Variants in AFF1 observed in about 807,000 individuals in gnomAD.
The protein encoded by AFF1 is AF4/FMR2 family member 1.
AFF1 carries 48 observed loss-of-function variants against 121.7 expected under a neutral mutation model. The observed-to-expected ratio is 0.39, with a 90% CI of 0.31 to 0.50. The LOEUF is 0.50. AFF1 is among the 20% of genes least tolerant of loss of function. The pLI, the probability that AFF1 is intolerant of heterozygous loss-of-function variation, is 0.76. For missense variants in AFF1, 1,523 were observed against 1,511.7 expected (o/e 1.01, Z -0.12); for synonymous variants, 613 against 563.0 (o/e 1.09, Z -1.26).
At position 87,134,521 on chromosome 4, in the gene AFF1, C is replaced by T. The variant is rs995007180; in HGVS notation, c.3362C>T (p.Ser1121Phe). ...TCCCCAATGCCTTCTCCTGCCAGCT[C>T]CGTAGGGTCCCAGTCAAGTGCTGGC... The part of the protein sequence containing the change: ...PLSPMPSPAS[S>F]VGSQSSAGSV... Residue 1121 changes from serine (S) to phenylalanine (F), a missense_variant, in exon 20 of 21, where the codon TCC becomes TTC. By Grantham distance (155) the Ser-to-Phe change is radical. Around this residue, in one of 5 missense-constraint regions of AFF1, gnomAD observed 241 missense variants for 265.2 expected, o/e 0.91. Transcript: ENST00000395146. The T allele has an allele frequency of 1.2e-6, 2 of 1,613,306 alleles. No homozygotes were observed. The highest frequency in any genetic ancestry group is 1.7e-5 in the Admixed American group (1 of 59,964).
chr4:87,022,206 C>CAA (rs11296179), intron 2 of AFF1, among the ~76,000 whole-genome samples: 228 of 75,860 alleles, frequency 3.0e-3, no homozygotes, highest in African/African-American at 5.8e-3. Flanking sequence ...GACTCCATCT[C>CAA]AAAAAAAAAA....
chr4:87,058,113 A>G (rs182483557), intron 4 of AFF1, among the ~76,000 whole-genome samples: 2 of 152,322 alleles, frequency 1.3e-5, no homozygotes, highest in East Asian at 1.9e-4. Context: ...TGAGTTAAGT[A>G]TGGCAGTTGG....
intron 16 of AFF1, 137 bp from the exon 17 acceptor site, chr4:87,130,946 A>T: frequency 2.6e-6 from 3 of 1,158,644 alleles, no homozygotes; most frequent in Non-Finnish European, 3.7e-6. Flanking sequence ...TATCATTTTT[A>T]GTTCATTCAT....
chr4:87,081,958 A>G (rs1390042265), intron 4 of AFF1, among the ~76,000 whole-genome samples: 1 of 152,134 alleles, frequency 6.6e-6, no homozygotes, highest in Non-Finnish European at 1.5e-5. Flanking sequence ...CAAAGTGTCT[A>G]CTGCTTGAGT....
chr4:87,137,483 G>C lies in AFF1; in HGVS notation c.*1782G>C, dbSNP rs1729393271. On this transcript the variant is annotated 3_prime_UTR_variant, in exon 21 of 21. Transcript: ENST00000395146. ...CAGTTTCTTCTCCAGACTGTTCTTT[G>C]GTTGTCACTAAGTCAGAGGTCTGGT... The C allele has an allele frequency of 4.5e-6, 1 of 221,404 alleles. No homozygotes were observed. The highest frequency in any genetic ancestry group is 6.5e-5 in the East Asian group (1 of 15,418). The allele number at this position is 221,404 out of a possible 1,614,324, so 13.7% of individuals were successfully genotyped here.
chr4:87,068,724 AG>A, intron 4 of AFF1, among the ~76,000 whole-genome samples: 1 of 152,316 alleles, frequency 6.6e-6, no homozygotes, highest in African/African-American at 2.4e-5. Flanking sequence ...GAGCAGAGCC[AG>A]GGGAGTTATG....
chr4:87,139,980 A>T lies in AFF1; in HGVS notation c.*4279A>T. 4.7e-6 allele frequency: 1 copy of T among 210,784 alleles called. No homozygotes were observed. Among genetic ancestry groups the T allele is most frequent in the Non-Finnish European group, 9.6e-6 (1 of 103,904 alleles). The allele number at this position is 210,784 out of a possible 1,614,324, so 13.1% of individuals were successfully genotyped here. A position where few individuals can be genotyped will look rare whatever the true frequency, so the allele number is the denominator to read the frequency against. ...TTTCTTACTGTCAGGAGGAAATGAC[A>T]TTATATTCTGTTCCACTGAACGTCA... is the stretch of plus-strand genomic sequence containing the variant. On this transcript the variant is annotated 3_prime_UTR_variant, in exon 21 of 21. Coordinates refer to ENST00000395146, the MANE Select transcript of AFF1 (RefSeq NM_001166693.3).
Position 87,132,261 on chromosome 4 carries a change from T to A in AFF1, c.3174-10T>A. On this transcript the variant is annotated splice_polypyrimidine_tract_variant and intron_variant, in intron 18 of 20. Coordinates refer to ENST00000395146, the MANE Select transcript of AFF1 (RefSeq NM_001166693.3). ...GTCACGTGCAGTTTCACTTCTGTCT[T>A]TGTTCATAGCATGCGTTGCCAGTCC... The A allele has an allele frequency of 6.2e-7, 1 of 1,609,468 alleles. No homozygotes were observed. The highest frequency in any genetic ancestry group is 8.5e-7 in the Non-Finnish European group (1 of 1,178,144).
intron 4 of AFF1, among the ~76,000 whole-genome samples, chr4:87,073,511 G>A (rs1395328267): frequency 6.6e-6 from 1 of 151,102 alleles, no homozygotes; most frequent in African/African-American, 2.4e-5. Context: ...CGTTTTTTTT[G>A]TGTTTTGTTT....
chr4:87,017,761 G>A (rs1727455169), intron 2 of AFF1, among the ~76,000 whole-genome samples: 1 of 152,160 alleles, frequency 6.6e-6, no homozygotes, highest in Non-Finnish European at 1.5e-5. Flanking sequence ...TCAGACTTGG[G>A]TCCTGCCTGG....
chr4:87,075,383 T>C (rs1277637861), intron 4 of AFF1, among the ~76,000 whole-genome samples: 1 of 152,174 alleles, frequency 6.6e-6, no homozygotes, highest in African/African-American at 2.4e-5. Flanking sequence ...TATACACACG[T>C]ATTCAATATG....
chr4:87,072,671 C>T (rs576265538), intron 4 of AFF1, among the ~76,000 whole-genome samples: 1 of 151,988 alleles, frequency 6.6e-6, no homozygotes, highest in East Asian at 1.9e-4. Context: ...CACGCTTGCA[C>T]CACCCACCAC....
chr4:87,033,214 G>C (rs1340634736), intron 2 of AFF1, among the ~76,000 whole-genome samples: 1 of 152,184 alleles, frequency 6.6e-6, no homozygotes, highest in East Asian at 1.9e-4. Context: ...TTAATATCCT[G>C]TTGTTCCCCA....
chr4:87,010,463 C>A (rs115283718), intron 2 of AFF1, among the ~76,000 whole-genome samples: 2,706 of 152,188 alleles, frequency 0.018, 39 homozygotes, highest in Non-Finnish European at 0.029. Context: ...ATATATACTT[C>A]CTTGTGGAAA....
intron 10 of AFF1, 63 bp downstream of exon 10, chr4:87,105,908 A>G: frequency 2.5e-6 from 4 of 1,577,930 alleles, no homozygotes; most frequent in South Asian, 1.1e-5. Flanking sequence ...AATGGGAAAA[A>G]TAAAGCCTTA....
chr4:87,115,177 C>T lies in AFF1; in HGVS notation c.2344C>T (p.Gln782Ter). Residue 782 changes from glutamine to a stop codon, truncating the protein, a stop_gained, in exon 12 of 21, where the codon CAG (glutamine) becomes TAG (stop). Transcript: ENST00000395146. LOFTEE classifies it high-confidence loss of function. ...ITLDLLSRIPQPPGKGSRQRK... is the reference protein window; with the variant it reads ...ITLDLLSRIP ...CCTAGACCTGCTCTCTCGGATACCC[C>T]AGCCTCCCGGGAAGGGGAGCCGCCA... The T allele has an allele frequency of 6.2e-7, 1 of 1,614,184 alleles. No individual in the cohort carries two copies. Among genetic ancestry groups the T allele is most frequent in the Non-Finnish European group, 8.5e-7 (1 of 1,180,044 alleles).
At chr4:87,109,038 A>C (rs945471976) in intron 11 of AFF1, among the ~76,000 whole-genome samples, 1 of 152,226 alleles carries the variant, frequency 6.6e-6, no homozygotes, top group African/African-American at 2.4e-5. Flanking sequence ...AGGGTTGCCA[A>C]ATAACCTCAA....
chr4:87,092,727 A>T (rs1316714340), intron 7 of AFF1, among the ~76,000 whole-genome samples: 1 of 152,190 alleles, frequency 6.6e-6, no homozygotes, highest in Non-Finnish European at 1.5e-5. Flanking sequence ...AGATCTTGCA[A>T]AGAAGTCATA....
rs138880071 is a variant in AFF1, at chr4:87,047,251, G to A, written c.716G>A (p.Gly239Asp). The part of the protein sequence containing the change: ...PRTQGSSKVH[G>D]SSNNSKGYCP... ...ACGCAAGGAAGCAGCAAGGTTCATG[G>A]CAGCAGCAATAACAGTAAAGGCTAT... The change falls in exon 4 of 21, where the codon GGC becomes GAC. Residue 239 changes from glycine to aspartate, a missense_variant. Around this residue, in one of 5 missense-constraint regions of AFF1, gnomAD observed 369 missense variants for 367.2 expected, o/e 1.00. Transcript: ENST00000395146. The A allele has an allele frequency of 8.7e-5, 140 of 1,614,062 alleles. No homozygotes were observed. The highest frequency in any genetic ancestry group is 1.2e-4 in the Non-Finnish European group (136 of 1,180,056).
Sources: gnomAD v4.1 joint callset for allele counts (sites outside exome capture counted in the v4.1 genomes callset) on GRCh38, gnomAD v4.1.1 for gene constraint, gnomAD v4.1.1 regional missense constraint, MANE v1.5 for transcripts, NCBI Gene and HGNC (gene_info 2026-07-23, HGNC 2026-07-21) for gene names.